Variants in NEK6 observed in about 807,000 individuals in gnomAD.
NEK6 encodes serine/threonine-protein kinase Nek6.
A neutral mutation model predicts 43.5 loss-of-function variants in NEK6; 27 were observed. The ratio of observed to expected loss-of-function variants is 0.62; its 90% CI spans 0.46 to 0.86. NEK6 has a LOEUF of 0.86. NEK6 is among the 40% of genes least tolerant of loss of function. The pLI is 0.00. For missense variants in NEK6, 318 were observed against 414.4 expected, an observed-to-expected ratio of 0.77 and a Z score of 2.02; for synonymous variants, 167 against 164.1, an observed-to-expected ratio of 1.02 and a Z score of -0.14.
chr9:124,288,097 A>G (rs1406651270), intron 1 of NEK6, among the ~76,000 whole-genome samples: 1 of 152,234 alleles, frequency 6.6e-6, no homozygotes, highest in African/African-American at 2.4e-5. Context: ...GCGGATCCCC[A>G]GAGGCCCTGG....
At chr9:124,258,442 G>A (rs992392105) in intron 1 of NEK6, 13 of 722,808 alleles carry the variant, frequency 1.8e-5, no homozygotes, top group Non-Finnish European at 2.0e-5. Flanking sequence ...AGTGTGCCGG[G>A]CGCCGCAGGG....
At chr9:124,323,058 C>A (rs56186614) in intron 5 of NEK6, among the ~76,000 whole-genome samples, 1,640 of 152,332 alleles carry the variant, frequency 0.011, 36 homozygotes, top group African/African-American at 0.037. Context: ...GCTGAACATA[C>A]AAGCATCGTG....
At chr9:124,293,134 T>A (rs1378846630) in intron 1 of NEK6, 5 of 1,228,046 alleles carry the variant, frequency 4.1e-6, no homozygotes, top group Non-Finnish European at 5.2e-6. Context: ...TCACCAAGGA[T>A]CACCTCAGGC....
At position 124,261,351 on chromosome 9, in the gene NEK6, GA is replaced by G. The variant is rs1242840092; in HGVS notation, c.-30+3268del. On this transcript the variant is annotated intron_variant, in intron 1 of 9. Coordinates refer to ENST00000320246, the MANE Select transcript of NEK6 (RefSeq NM_014397.6). ...AGTGTCAAAACAATTGTCAAAAGGA[GA>G]AGAATATTTCCTTCCTCTTCTCAGG... is the stretch of plus-strand genomic sequence containing the variant. 3 of 960,082 alleles carry G rather than the reference GA, an allele frequency of 3.1e-6. No individual in the cohort carries two copies. The African/African-American group carries it at 5.3e-5, about 17-fold the overall frequency. 59.5% of individuals were successfully genotyped at this position (960,082 alleles called of 1,614,324 possible).
At chr9:124,271,875 T>C (rs1025323662) in intron 1 of NEK6, among the ~76,000 whole-genome samples, 3 of 152,274 alleles carry the variant, frequency 2.0e-5, no homozygotes, top group Non-Finnish European at 4.4e-5. Context: ...CTGCAAGGCC[T>C]GGCCAGCTCT....
intron 1 of NEK6, among the ~76,000 whole-genome samples, chr9:124,271,675 G>A (rs370757697): frequency 4.6e-5 from 7 of 152,358 alleles, no homozygotes; most frequent in Admixed American, 2.0e-4. Flanking sequence ...CTTTGCACAC[G>A]AATCCCAGGC....
In NEK6 at chr9:124,324,984, G is replaced by C. The variant is rs1167305406; in HGVS notation, c.406-1346G>C. 6.6e-6 allele frequency among the ~76,000 whole-genome samples: 1 copy of C among 152,208 alleles called. No individual in the cohort carries two copies. The highest frequency in any genetic ancestry group is 1.5e-5 in the Non-Finnish European group (1 of 68,030). ...GAGGTGAGGAGTTCGAGACCAGCCT[G>C]GCTAACGTGGTGAAACCCCATCTCT... On this transcript the variant is annotated intron_variant, in intron 5 of 9. Transcript: ENST00000320246. The surrounding 1 kb of genome is among the most constrained non-coding windows in gnomAD (Gnocchi z 5.3).
At chr9:124,268,963 C>T (rs967393040) in intron 1 of NEK6, among the ~76,000 whole-genome samples, 10 of 152,122 alleles carry the variant, frequency 6.6e-5, no homozygotes, top group Non-Finnish European at 1.2e-4. Context: ...AGCAGAGTCT[C>T]GGCAGATGCG....
intron 4 of NEK6, among the ~76,000 whole-genome samples, chr9:124,314,300 C>G (rs1833704667): frequency 6.6e-6 from 1 of 152,156 alleles, no homozygotes; most frequent in Non-Finnish European, 1.5e-5. Flanking sequence ...CTGACCCTGC[C>G]TCGCAGTGGC....
Position 124,321,753 on chromosome 9 carries a change from G to A in NEK6, c.405+184G>A, listed in dbSNP as rs557040392. Among the ~76,000 whole-genome samples, 15 of 152,358 alleles carry A rather than the reference G, an allele frequency of 9.8e-5. No homozygotes were observed. The South Asian group carries it at 3.1e-3, about 32-fold the overall frequency. On this transcript the variant is annotated intron_variant, in intron 5 of 9. Transcript: ENST00000320246. Reference sequence around the variant, plus strand: ...TGCAGTCTGGTGAGGGCCTCTCAGGGTCCGTCCCCAGCTGCTGTTGCTGGA... The same window carrying A: ...TGCAGTCTGGTGAGGGCCTCTCAGGATCCGTCCCCAGCTGCTGTTGCTGGA...
chr9:124,288,888 C>G (rs566446457), intron 1 of NEK6, among the ~76,000 whole-genome samples: 1 of 152,326 alleles, frequency 6.6e-6, no homozygotes, highest in South Asian at 2.1e-4. Context: ...CACTGCCTCC[C>G]TGCAGCCCCC....
chr9:124,278,738 C>A (rs1831758896), intron 1 of NEK6, among the ~76,000 whole-genome samples: 1 of 152,220 alleles, frequency 6.6e-6, no homozygotes, highest in African/African-American at 2.4e-5. Flanking sequence ...ACACATTATA[C>A]AGCTGGGGAG....
chr9:124,347,125 C>T (rs1044307992), intron 8 of NEK6, among the ~76,000 whole-genome samples: 3 of 152,214 alleles, frequency 2.0e-5, no homozygotes, highest in Admixed American at 1.3e-4. Context: ...CAGGAGGCTG[C>T]CTCCCTCCCT....
At chr9:124,261,494 G>T (rs1411009936) in intron 1 of NEK6, 1 of 985,458 alleles carries the variant, frequency 1.0e-6, no homozygotes, top group Non-Finnish European at 1.2e-6. Context: ...GACACTGTTC[G>T]CAGGAAGAGT....
intron 1 of NEK6, among the ~76,000 whole-genome samples, chr9:124,276,357 A>G (rs989205869): frequency 3.9e-5 from 6 of 152,150 alleles, no homozygotes; most frequent in Non-Finnish European, 2.9e-5. Context: ...AAGGAGGGCA[A>G]TGTGCTTTTT....
At chr9:124,328,679 A>G (rs927618974) in intron 7 of NEK6, among the ~76,000 whole-genome samples, 33 of 152,262 alleles carry the variant, frequency 2.2e-4, no homozygotes, top group African/African-American at 7.5e-4. Flanking sequence ...TCTGGAAGTC[A>G]CAGTGTCTTG....
At chr9:124,264,848 C>T (rs972564984) in intron 1 of NEK6, among the ~76,000 whole-genome samples, 2 of 147,056 alleles carry the variant, frequency 1.4e-5, no homozygotes, top group African/African-American at 5.0e-5. Context: ...AAGAGTTCTG[C>T]AAAGAATGGC....
chr9:124,329,406 G>C (rs1828848374), intron 7 of NEK6, among the ~76,000 whole-genome samples: 1 of 152,230 alleles, frequency 6.6e-6, no homozygotes, highest in African/African-American at 2.4e-5. Context: ...GCATCATTAG[G>C]AATGGGCAGA....
At chr9:124,285,606 G>A (rs919061851) in intron 1 of NEK6, among the ~76,000 whole-genome samples, 3 of 152,154 alleles carry the variant, frequency 2.0e-5, no homozygotes, top group Non-Finnish European at 2.9e-5. Context: ...AGCAACAGCC[G>A]AGATTGAGGA....
Sources: gnomAD v4.1 joint callset for allele counts (sites outside exome capture counted in the v4.1 genomes callset) on GRCh38, gnomAD v4.1.1 for gene constraint, Gnocchi (gnomAD v3.1) non-coding constraint, MANE v1.5 for transcripts, NCBI Gene and HGNC (gene_info 2026-07-23, HGNC 2026-07-21) for gene names.